EIF5A2: variants seen among roughly 807,000 people sequenced by gnomAD.
EIF5A2 encodes the protein eukaryotic translation initiation factor 5A2, also known as eukaryotic translation initiation factor 5A-2.
A neutral mutation model predicts 16.4 loss-of-function variants in EIF5A2; 15 were observed. The ratio of observed to expected loss-of-function variants is 0.92; its 90% CI spans 0.61 to 1.41. EIF5A2 has a LOEUF of 1.41. Ranked by LOEUF, EIF5A2 falls within the 40% of genes most tolerant of loss-of-function variation. The pLI is 0.00. For missense variants in EIF5A2, 144 were observed against 189.5 expected, an observed-to-expected ratio of 0.76 and a Z score of 1.41; for synonymous variants, 48 against 61.1, an observed-to-expected ratio of 0.79 and a Z score of 1.00.
intron 2 of EIF5A2, 89 bp from the exon 3 acceptor site, chr3:170,907,182 A>C: frequency 1.3e-6 from 1 of 769,934 alleles, no homozygotes; most frequent in East Asian, 2.7e-5. Context: ...TGCTGATTAC[A>C]ACAGATTCTT....
Position 170,889,437 on chromosome 3 carries a change from G to A in EIF5A2, c.*3923C>T, listed in dbSNP as rs1456933274. On this transcript the variant is annotated 3_prime_UTR_variant, in exon 5 of 5. Coordinates refer to ENST00000295822, the MANE Select transcript of EIF5A2 (RefSeq NM_020390.6). ...TTTAATAGATTAAATAGATTGAATT[G>A]TCTCAATTTTTAAGGTTTTCCACCA... The A allele has an allele frequency of 3.3e-5, 5 of 152,104 alleles. No homozygotes were observed. Among genetic ancestry groups the A allele is most frequent in the African/African-American group, 1.2e-4 (5 of 41,368 alleles). The allele number at this position is 152,104 out of a possible 1,614,324, so 9.4% of individuals were successfully genotyped here.
rs374991690 is a variant in EIF5A2, at chr3:170,904,307, C to T, written c.270+2682G>A. Among the ~76,000 whole-genome samples, 8 of 152,268 alleles carry T rather than the reference C, an allele frequency of 5.3e-5. No homozygotes were observed. In the East Asian group the frequency reaches 1.2e-3, roughly 22 times the overall value. The stretch of plus-strand genomic sequence containing the variant: ...ATTAATACGTTTTGTTTCCTGTTTA[C>T]TTTTTAATTATCATAATGAACAGAA... On this transcript the variant is annotated intron_variant, in intron 3 of 4. Transcript: ENST00000295822.
In EIF5A2 at chr3:170,895,379, C is replaced by T. The variant is rs571321453; in HGVS notation, c.271-956G>A. 7.3e-5 allele frequency among the ~76,000 whole-genome samples: 11 copies of T among 151,656 alleles called. No homozygotes were observed. The South Asian group carries it at 1.3e-3, about 17-fold the overall frequency. On this transcript the variant is annotated intron_variant, in intron 3 of 4. Coordinates refer to ENST00000295822, the MANE Select transcript of EIF5A2 (RefSeq NM_020390.6). Reference sequence around the variant, plus strand: ...TGTCAACCCAACCTGCAAAAAAGCACGGTTTTGATACCACTGAACTTCTTT... The same window carrying T: ...TGTCAACCCAACCTGCAAAAAAGCATGGTTTTGATACCACTGAACTTCTTT...
At chr3:170,906,057 G>GT (rs151249085) in intron 3 of EIF5A2, among the ~76,000 whole-genome samples, 1,553 of 152,240 alleles carry the variant, frequency 0.01, 30 homozygotes, top group African/African-American at 0.034. Context: ...AAATCATTGC[G>GT]TAAGTGCAGT....
intron 3 of EIF5A2, among the ~76,000 whole-genome samples, chr3:170,898,046 A>G (rs1015161557): frequency 2.0e-5 from 3 of 152,220 alleles, no homozygotes; most frequent in African/African-American, 7.2e-5. Context: ...TCGGACTTGT[A>G]TGGGACCTGT....
rs1713006946 is a variant in EIF5A2 at position 170,908,590 on chromosome 3, C to G, written c.-83G>C. The G allele has an allele frequency of 6.5e-6, 1 of 153,024 alleles. No homozygotes were observed. The highest frequency in any genetic ancestry group is 1.5e-5 in the Non-Finnish European group (1 of 68,554). 9.5% of individuals were successfully genotyped at this position (153,024 alleles called of 1,614,324 possible). On this transcript the variant is annotated 5_prime_UTR_variant, in exon 1 of 5. Transcript: ENST00000295822. ...TTTCGTCTGCGCACCCGCGCTGGTC[C>G]CCTACAGCAGCGGCGCCGGCAGCGG... is the stretch of plus-strand genomic sequence containing the variant.
In EIF5A2 at chr3:170,890,384, A is replaced by G. The variant is rs1712501475; in HGVS notation, c.*2976T>C. The G allele has an allele frequency of 6.6e-6, 1 of 152,140 alleles. No homozygotes were observed. Among genetic ancestry groups the G allele is most frequent in the Admixed American group, 6.5e-5 (1 of 15,270 alleles). The allele number at this position is 152,140 out of a possible 1,614,324, so 9.4% of individuals were successfully genotyped here. On this transcript the variant is annotated 3_prime_UTR_variant, in exon 5 of 5. Transcript: ENST00000295822. ...TATAGATATCATGCTCTGATGCAGG[A>G]GAGTTTTGGTAATTAACATAAAGCG...
intron 1 of EIF5A2, 137 bp downstream of exon 1, chr3:170,908,406 C>G (rs1196606988): frequency 2.0e-5 from 3 of 153,130 alleles, no homozygotes; most frequent in African/African-American, 4.8e-5. Context: ...GCGGGTCCCG[C>G]GCTCGCCTCT....
At chr3:170,893,497 T>A in intron 4 of EIF5A2, 78 bp from the exon 5 acceptor site, 2 of 1,453,358 alleles carry the variant, frequency 1.4e-6, no homozygotes, top group Non-Finnish European at 1.9e-6. Context: ...TCATATATTG[T>A]ATATTTGTGG....
At chr3:170,896,893 T>C (rs1179682413) in intron 3 of EIF5A2, among the ~76,000 whole-genome samples, 1 of 152,206 alleles carries the variant, frequency 6.6e-6, no homozygotes, top group African/African-American at 2.4e-5. Context: ...AACAAAATGC[T>C]GACAATGATA....
chr3:170,892,258 C>G lies in EIF5A2; in HGVS notation c.*1102G>C, dbSNP rs1013972642. 1 of 152,132 alleles carries G rather than the reference C, an allele frequency of 6.6e-6. No individual in the cohort carries two copies. Among genetic ancestry groups the G allele is most frequent in the Non-Finnish European group, 1.5e-5 (1 of 68,014 alleles). The allele number at this position is 152,132 out of a possible 1,614,324, so 9.4% of individuals were successfully genotyped here. A position where few individuals can be genotyped will look rare whatever the true frequency, so the allele number is the denominator to read the frequency against. On this transcript the variant is annotated 3_prime_UTR_variant, in exon 5 of 5. Transcript: ENST00000295822. Reference sequence around the variant, plus strand: ...CCTAGACAACATGGTGAAACCCCATCTCTACTAAAATACACAAAAAAGTAG... The same window carrying G: ...CCTAGACAACATGGTGAAACCCCATGTCTACTAAAATACACAAAAAAGTAG...
At chr3:170,907,509 C>G (rs1712968749) in intron 2 of EIF5A2, 133 bp downstream of exon 2, 1 of 1,011,882 alleles carries the variant, frequency 9.9e-7, no homozygotes, top group East Asian at 2.5e-5. Context: ...AACTGATTAC[C>G]CAGTAATTGT....
Position 170,908,596 on chromosome 3 carries a change from A to AGCAGCGGCGCCG in EIF5A2, c.-101_-90dup, listed in dbSNP as rs1560012000. The AGCAGCGGCGCCG allele has an allele frequency of 6.5e-6, 1 of 152,872 alleles. No homozygotes were observed. The allele number at this position is 152,872 out of a possible 1,614,324, so 9.5% of individuals were successfully genotyped here. A position where few individuals can be genotyped will look rare whatever the true frequency, so the allele number is the denominator to read the frequency against. ...CTGCGCACCCGCGCTGGTCCCCTAC[A>AGCAGCGGCGCCG]GCAGCGGCGCCGGCAGCGGCGGTGG... On this transcript the variant is annotated 5_prime_UTR_variant, in exon 1 of 5. Coordinates refer to ENST00000295822, the MANE Select transcript of EIF5A2 (RefSeq NM_020390.6).
intron 3 of EIF5A2, among the ~76,000 whole-genome samples, chr3:170,901,042 G>C (rs928400134): frequency 5.3e-5 from 8 of 152,182 alleles, no homozygotes; most frequent in African/African-American, 1.9e-4. Context: ...ATAAAAATCT[G>C]AACTGAATCT....
At chr3:170,904,910 G>GTT (rs1712900370) in intron 3 of EIF5A2, among the ~76,000 whole-genome samples, 1 of 152,156 alleles carries the variant, frequency 6.6e-6, no homozygotes, top group Non-Finnish European at 1.5e-5. Context: ...AAGCAAAACA[G>GTT]GTTAAGTAAC....
intron 3 of EIF5A2, among the ~76,000 whole-genome samples, chr3:170,901,987 C>T (rs1409887975): frequency 6.6e-6 from 1 of 152,160 alleles, no homozygotes; most frequent in Non-Finnish European, 1.5e-5. Context: ...ATAACACCAC[C>T]ATAACCTGAC....
At chr3:170,898,566 A>G (rs1407766965) in intron 3 of EIF5A2, among the ~76,000 whole-genome samples, 2 of 152,108 alleles carry the variant, frequency 1.3e-5, no homozygotes, top group Non-Finnish European at 2.9e-5. Flanking sequence ...ACCTTCCTCC[A>G]TGATTGTAAG....
At chr3:170,902,398 C>CTTT (rs36044967) in intron 3 of EIF5A2, among the ~76,000 whole-genome samples, 186 of 91,378 alleles carry the variant, frequency 2.0e-3, no homozygotes, top group African/African-American at 4.1e-3. Flanking sequence ...GCCATTCAGC[C>CTTT]TTTTTTTTTT....
intron 4 of EIF5A2, among the ~76,000 whole-genome samples, chr3:170,893,988 GC>G (rs978478049): frequency 2.0e-5 from 3 of 150,764 alleles, no homozygotes; most frequent in African/African-American, 7.3e-5. Flanking sequence ...CCGAGATCAC[GC>G]CACTGCACTC....
Sources: gnomAD v4.1 joint callset for allele counts (sites outside exome capture counted in the v4.1 genomes callset) on GRCh38, gnomAD v4.1.1 for gene constraint, MANE v1.5 for transcripts, NCBI Gene and HGNC (gene_info 2026-07-23, HGNC 2026-07-21) for gene names.